Variants in SLC44A5 observed in about 807,000 individuals in gnomAD.
SLC44A5 encodes choline transporter-like protein 5.
SLC44A5 carries 57 observed loss-of-function variants against 101.8 expected under a neutral mutation model. The observed-to-expected ratio is 0.56, with a 90% CI of 0.45 to 0.70. The LOEUF (loss-of-function observed/expected upper bound fraction) is 0.70, where lower values mean the gene tolerates loss of function less well. Among genes scored for constraint, SLC44A5 ranks in the 30% least tolerant of loss-of-function variants. SLC44A5 has a pLI of 0.00. For missense variants in SLC44A5, 737 were observed against 853.1 expected (o/e 0.86, Z 1.70); for synonymous variants, 281 against 290.9 (o/e 0.97, Z 0.35).
At chr1:75,223,864 A>G (rs530126736) in intron 13 of SLC44A5, among the ~76,000 whole-genome samples, 1 of 152,246 alleles carries the variant, frequency 6.6e-6, no homozygotes, top group African/African-American at 2.4e-5. Context: ...ACCAATTTGA[A>G]CCCAAAATTG....
At chr1:75,646,007 C>G in the SLC44A5 span, among the ~76,000 whole-genome samples, 3 of 133,510 alleles carry the variant, frequency 2.2e-5, no homozygotes, top group African/African-American at 7.5e-5. Context: ...GTTCTGGTAC[C>G]AGTACCATGC....
At chr1:75,535,980 G>A (rs564264713) in intron 2 of SLC44A5, among the ~76,000 whole-genome samples, 76 of 151,674 alleles carry the variant, frequency 5.0e-4, no homozygotes, top group South Asian at 1.0e-3. Context: ...AGGCGGAGGC[G>A]GGAGGATTGT....
chr1:75,351,846 C>CAAAAAAAAAAAAAAAAAAAAAAAAAAAAA (rs71071942), intron 3 of SLC44A5, among the ~76,000 whole-genome samples: 1 of 28,402 alleles, frequency 3.5e-5, no homozygotes, highest in African/African-American at 1.3e-4. Context: ...CACACTTTAC[C>CAAAAAAAAAAAAAAAAAAAAAAAAAAAAA]AAAAAAAAAA....
intron 2 of SLC44A5, among the ~76,000 whole-genome samples, chr1:75,450,465 T>C (rs1025297113): frequency 6.6e-6 from 1 of 152,142 alleles, no homozygotes; most frequent in African/African-American, 2.4e-5. Flanking sequence ...AGGCCAGAGA[T>C]TGGAGAACCT....
chr1:75,671,812 C>T, the SLC44A5 span, among the ~76,000 whole-genome samples: 1 of 152,208 alleles, frequency 6.6e-6, no homozygotes, highest in African/African-American at 2.4e-5. Flanking sequence ...AAGCTGTATT[C>T]TGATACAGGC....
In SLC44A5 at chr1:75,548,268, T is replaced by C. The variant is rs1340617302; in HGVS notation, c.-69-6752A>G. Among the ~76,000 whole-genome samples the C allele has an allele frequency of 2.0e-5, 3 of 152,146 alleles. No homozygotes were observed. In the East Asian group the frequency reaches 5.8e-4, roughly 29 times the overall value. On this transcript the variant is annotated intron_variant, in intron 1 of 23. Transcript: ENST00000370859. ...TCCTTCTCTTCAACTAGTTCAATTC[T>C]GTGTTCAGACAAGAATCAAAATAAA... is the stretch of plus-strand genomic sequence containing the variant.
chr1:75,258,571 C>A (rs1012457315), intron 6 of SLC44A5, among the ~76,000 whole-genome samples: 1 of 152,098 alleles, frequency 6.6e-6, no homozygotes, highest in Non-Finnish European at 1.5e-5. Flanking sequence ...GGACAGAGCA[C>A]CTGGAGGAAG....
intron 1 of SLC44A5, among the ~76,000 whole-genome samples, chr1:75,569,914 T>C (rs1391030889): frequency 7.9e-5 from 12 of 152,208 alleles, no homozygotes. Flanking sequence ...AAGTGAGATA[T>C]GAAATGCAGG....
At chr1:75,299,703 G>A (rs1654265556) in intron 5 of SLC44A5, among the ~76,000 whole-genome samples, 1 of 151,794 alleles carries the variant, frequency 6.6e-6, no homozygotes, top group Non-Finnish European at 1.5e-5. Context: ...AGTCCCTTTG[G>A]TAGTTGTTTA....
intron 3 of SLC44A5, among the ~76,000 whole-genome samples, chr1:75,343,032 C>T (rs964268312): frequency 1.4e-4 from 21 of 151,986 alleles, no homozygotes; most frequent in East Asian, 3.8e-4. Flanking sequence ...GGGGCCCTCA[C>T]GTACTCTAAT....
chr1:75,388,252 T>G (rs1352638281), intron 3 of SLC44A5, among the ~76,000 whole-genome samples: 3 of 128,758 alleles, frequency 2.3e-5, no homozygotes, highest in Admixed American at 2.2e-4. Context: ...AAAAACAGTA[T>G]TAAAAAAAAA....
intron 2 of SLC44A5, among the ~76,000 whole-genome samples, chr1:75,419,548 C>T (rs1187800028): frequency 2.0e-5 from 3 of 150,916 alleles, no homozygotes; most frequent in Non-Finnish European, 4.4e-5. Context: ...GAAATAAAGA[C>T]TTATTTCAGA....
chr1:75,703,450 G>A, the SLC44A5 span, among the ~76,000 whole-genome samples: 2 of 149,170 alleles, frequency 1.3e-5, no homozygotes, highest in Admixed American at 1.3e-4. Flanking sequence ...TCATAGGTGG[G>A]AATTGAACAA....
chr1:75,223,669 A>C (rs1008305010), intron 13 of SLC44A5, among the ~76,000 whole-genome samples: 1 of 152,204 alleles, frequency 6.6e-6, no homozygotes, highest in African/African-American at 2.4e-5. Flanking sequence ...TGGAGAGCTC[A>C]TTATTTCATT....
the SLC44A5 span, among the ~76,000 whole-genome samples, chr1:75,619,080 G>GA: frequency 1.7e-5 from 1 of 58,806 alleles, no homozygotes; most frequent in Non-Finnish European, 3.1e-5. Flanking sequence ...CAAAAAAAAA[G>GA]GGGGGGGGGA....
chr1:75,590,987 G>A (rs2102108275), intron 1 of SLC44A5, among the ~76,000 whole-genome samples: 1 of 152,234 alleles, frequency 6.6e-6, no homozygotes, highest in South Asian at 2.1e-4. Context: ...CAGGACTTTG[G>A]CGAGACCCTG....
chr1:75,339,214 C>T (rs1657678186), intron 4 of SLC44A5, among the ~76,000 whole-genome samples: 1 of 151,932 alleles, frequency 6.6e-6, no homozygotes, highest in East Asian at 1.9e-4. Flanking sequence ...GGCAACTCTG[C>T]ATTTGCAATG....
intron 1 of SLC44A5, among the ~76,000 whole-genome samples, chr1:75,600,713 A>C (rs1301821897): frequency 1.3e-5 from 2 of 152,168 alleles, no homozygotes; most frequent in Admixed American, 6.5e-5. Context: ...ACAAATATTT[A>C]CCATTGTGTT....
the SLC44A5 span, among the ~76,000 whole-genome samples, chr1:75,680,304 T>C: frequency 1.3e-5 from 2 of 151,764 alleles, no homozygotes; most frequent in African/African-American, 4.9e-5. Context: ...ATCAACAGAA[T>C]ATACATTTTT....
Sources: gnomAD v4.1 joint callset for allele counts (sites outside exome capture counted in the v4.1 genomes callset) on GRCh38, gnomAD v4.1.1 for gene constraint, MANE v1.5 for transcripts, NCBI Gene and HGNC (gene_info 2026-07-23, HGNC 2026-07-21) for gene names.